The following NALCN variants were observed in gnomAD, a reference collection of about 807,000 sequenced individuals.
NALCN encodes sodium leak channel NALCN.
NALCN carries 111 observed loss-of-function variants against 225.3 expected under a neutral mutation model. The observed-to-expected ratio is 0.49, with a 90% CI of 0.42 to 0.58. NALCN has a LOEUF of 0.58. Among genes scored for constraint, NALCN ranks in the 20% least tolerant of loss-of-function variants. The probability of loss-of-function intolerance (pLI) is 0.00; values close to 1 mark genes in which losing one functional copy is unlikely to be tolerated. For missense variants in NALCN, 1,378 were observed against 2,202.4 expected (o/e 0.63, Z 7.49); for synonymous variants, 764 against 769.0 (o/e 0.99, Z 0.11).
At chr13:101,340,528 C>A (rs78517524) in intron 7 of NALCN, among the ~76,000 whole-genome samples, 4 of 152,210 alleles carry the variant, frequency 2.6e-5, no homozygotes, top group Non-Finnish European at 5.9e-5. Flanking sequence ...TACACGTACT[C>A]TAAGTGTAGT....
chr13:101,172,710 C>G (rs9513863), intron 15 of NALCN, among the ~76,000 whole-genome samples: 37,617 of 151,994 alleles, frequency 0.25, 5,377 homozygotes, highest in Non-Finnish European at 0.33. Flanking sequence ...CAGGTGCCCG[C>G]CACCACGCGC....
intron 14 of NALCN, among the ~76,000 whole-genome samples, chr13:101,186,340 G>A (rs1254551293): frequency 6.6e-6 from 1 of 152,130 alleles, no homozygotes; most frequent in Non-Finnish European, 1.5e-5. Context: ...CCCCTAAGAG[G>A]ACATGAATTA....
chr13:101,263,472 T>A (rs1055793725), intron 10 of NALCN, among the ~76,000 whole-genome samples: 1 of 152,208 alleles, frequency 6.6e-6, no homozygotes, highest in Non-Finnish European at 1.5e-5. Context: ...CCATTTCATC[T>A]GCATGGCAGA....
At chr13:101,265,349 A>C (rs1484131137) in intron 10 of NALCN, among the ~76,000 whole-genome samples, 1 of 152,198 alleles carries the variant, frequency 6.6e-6, no homozygotes, top group Non-Finnish European at 1.5e-5. Flanking sequence ...TATAAAACTC[A>C]TAACAGCAAC....
intron 1 of NALCN, among the ~76,000 whole-genome samples, chr13:101,414,285 G>A (rs1193032357): frequency 6.6e-6 from 1 of 152,148 alleles, no homozygotes; most frequent in African/African-American, 2.4e-5. Context: ...TTACATATTT[G>A]TCTTTCCTGA....
chr13:101,296,808 A>G (rs1035333205), intron 7 of NALCN, among the ~76,000 whole-genome samples: 7 of 152,210 alleles, frequency 4.6e-5, no homozygotes, highest in African/African-American at 1.7e-4. Flanking sequence ...AATCACAACA[A>G]TGATACTCAT....
chr13:101,336,110 C>A (rs1219866860), intron 7 of NALCN, among the ~76,000 whole-genome samples: 2 of 151,958 alleles, frequency 1.3e-5, no homozygotes, highest in Non-Finnish European at 2.9e-5. Context: ...TCAAGCAAAT[C>A]CTGTGTTAAA....
Position 101,416,471 on chromosome 13 carries a change from G to C in NALCN, c.-198C>G, listed in dbSNP as rs1273194878. The C allele has an allele frequency of 6.6e-6, 1 of 151,780 alleles. No homozygotes were observed. The highest frequency in any genetic ancestry group is 1.9e-4 in the East Asian group (1 of 5,148). 9.4% of individuals were successfully genotyped at this position (151,780 alleles called of 1,614,324 possible). On this transcript the variant is annotated 5_prime_UTR_variant, in exon 1 of 44. Transcript: ENST00000251127. Reference sequence around the variant, plus strand: ...TCAGCTCAGGCAGCGCGCTCGGCCCGGCTGGGGCCGCGGCTCACGCTCGCC... The same window carrying C: ...TCAGCTCAGGCAGCGCGCTCGGCCCCGCTGGGGCCGCGGCTCACGCTCGCC...
intron 17 of NALCN, among the ~76,000 whole-genome samples, chr13:101,130,532 G>T (rs1185004779): frequency 6.6e-6 from 1 of 152,134 alleles, no homozygotes; most frequent in African/African-American, 2.4e-5. Flanking sequence ...ATTGAAACAA[G>T]ATTACTTGTA....
Position 101,062,103 on chromosome 13 carries a change from C to T in NALCN, c.4620G>A (p.Arg1540=). 1 of 1,614,084 alleles carries T rather than the reference C, an allele frequency of 6.2e-7. No individual in the cohort carries two copies. Among genetic ancestry groups the T allele is most frequent in the Non-Finnish European group, 8.5e-7 (1 of 1,179,982 alleles). The change falls in exon 41 of 44, where the codon CGG becomes CGA. Residue 1540 remains arginine, a synonymous_variant. Coordinates refer to ENST00000251127, the MANE Select transcript of NALCN (RefSeq NM_052867.4). ...GCAAGCTCTTCCGGATGTCCACGGACCGGTATGAAAGCATGCTGGTGGGAG... is the reference window on the plus strand; with the variant it reads ...GCAAGCTCTTCCGGATGTCCACGGATCGGTATGAAAGCATGCTGGTGGGAG... ...FHDVLSMLSY[R]SVDIRKSLQL...
chr13:101,296,927 C>T (rs1262181102), intron 7 of NALCN, among the ~76,000 whole-genome samples: 1 of 152,182 alleles, frequency 6.6e-6, no homozygotes, highest in African/African-American at 2.4e-5. Context: ...TAAATACTAA[C>T]CTTGAAACTT....
At chr13:101,122,604 A>T (rs2139691615) in intron 18 of NALCN, among the ~76,000 whole-genome samples, 1 of 152,378 alleles carries the variant, frequency 6.6e-6, no homozygotes, top group South Asian at 2.1e-4. Context: ...TAAATAGAAG[A>T]ATGTAATTTC....
chr13:101,416,798 C>T (rs2047960747), upstream of NALCN, among the ~76,000 whole-genome samples: 1 of 151,698 alleles, frequency 6.6e-6, no homozygotes, highest in African/African-American at 2.4e-5. Flanking sequence ...AACAGCACGG[C>T]GGCGGTGTGC....
chr13:101,237,330 T>C (rs2041598578), intron 12 of NALCN, among the ~76,000 whole-genome samples: 1 of 152,092 alleles, frequency 6.6e-6, no homozygotes, highest in African/African-American at 2.4e-5. Context: ...TAAACCGTTG[T>C]TGAGCAAACA....
chr13:101,258,889 T>G (rs2042325904), intron 10 of NALCN, among the ~76,000 whole-genome samples: 1 of 152,226 alleles, frequency 6.6e-6, no homozygotes, highest in African/African-American at 2.4e-5. Flanking sequence ...TAATTCTGAC[T>G]GTATGGATAA....
Position 101,124,731 on chromosome 13 carries a change from T to C in NALCN, c.2119-50A>G, listed in dbSNP as rs1199879123. On this transcript the variant is annotated intron_variant, in intron 17 of 43. Transcript: ENST00000251127. ...TTAGTTTTGGAATGTTAAGAAATAA[T>C]ATACTGTCAAATCATTCAATAGATG... 4 of 1,421,948 alleles carry C rather than the reference T, an allele frequency of 2.8e-6. No homozygotes were observed. The African/African-American group carries it at 4.2e-5, about 15-fold the overall frequency. The allele number at this position is 1,421,948 out of a possible 1,614,324, so 88.1% of individuals were successfully genotyped here. A position where few individuals can be genotyped will look rare whatever the true frequency, so the allele number is the denominator to read the frequency against.
chr13:101,200,906 A>T (rs2040092694), intron 13 of NALCN, among the ~76,000 whole-genome samples: 1 of 152,202 alleles, frequency 6.6e-6, no homozygotes. Flanking sequence ...TTGGTATTTT[A>T]GTATGTGTGG....
At chr13:101,062,440 G>A (rs574868406) in intron 40 of NALCN, among the ~76,000 whole-genome samples, 1 of 152,144 alleles carries the variant, frequency 6.6e-6, no homozygotes, top group South Asian at 2.1e-4. Flanking sequence ...AAAGGCTCGC[G>A]ACTTTCTCTG....
intron 14 of NALCN, chr13:101,180,580 G>C (rs954225075): frequency 6.1e-6 from 1 of 162,748 alleles, no homozygotes; most frequent in African/African-American, 2.4e-5. Context: ...ACTCAGAAAG[G>C]GCTGTCATTC....
Sources: allele counts gnomAD v4.1 joint callset (sites outside exome capture counted in the v4.1 genomes callset), GRCh38; gene constraint gnomAD v4.1.1; transcripts MANE v1.5; gene names NCBI Gene and HGNC (gene_info 2026-07-23, HGNC 2026-07-21).